Variants in ARHGEF10L observed in about 807,000 individuals in gnomAD.
ARHGEF10L encodes Rho guanine nucleotide exchange factor 10 like.
Under a neutral mutation model 141.2 loss-of-function variants are expected in ARHGEF10L, and 69 were observed. The observed-to-expected ratio is 0.49, with a 90% confidence interval of 0.40 to 0.60. ARHGEF10L has a LOEUF of 0.60. Ranked by LOEUF, ARHGEF10L falls within the 20% of genes least tolerant of loss-of-function variation. ARHGEF10L has a pLI of 0.00. For synonymous variants in ARHGEF10L, 711 were observed against 718.5 expected (o/e 0.99, Z 0.17); for missense variants, 1,482 against 1,734.3 (o/e 0.85, Z 2.58).
chr1:17,691,937 G>A (rs2065138590), intron 27 of ARHGEF10L, among the ~76,000 whole-genome samples: 1 of 152,118 alleles, frequency 6.6e-6, no homozygotes, highest in East Asian at 1.9e-4. Flanking sequence ...TTAACCATGA[G>A]CACACAGATA....
At chr1:17,588,935 G>C (rs893053674) in intron 4 of ARHGEF10L, among the ~76,000 whole-genome samples, 4 of 130,698 alleles carry the variant, frequency 3.1e-5, no homozygotes, top group African/African-American at 8.4e-5. Flanking sequence ...GGGTGGGGGG[G>C]GTGCAGCCCA....
chr1:17,533,023 G>C, the ARHGEF10L span, among the ~76,000 whole-genome samples: 1 of 152,154 alleles, frequency 6.6e-6, no homozygotes, highest in East Asian at 1.9e-4. Context: ...CCTGCACCAA[G>C]ACAGTGGCCA....
rs145575717 is a variant in ARHGEF10L, at chr1:17,671,510, C to T, written c.3009+6915C>T. Among the ~76,000 whole-genome samples the T allele has an allele frequency of 1.1e-3, 162 of 152,296 alleles. 2 individuals are homozygous for T. The highest frequency in any genetic ancestry group is 3.7e-3 in the African/African-American group (153 of 41,564). On this transcript the variant is annotated intron_variant, in intron 26 of 28. Transcript: ENST00000361221. Reference sequence around the variant, plus strand: ...CTTGTGGTGTTTCTATGGCAACCCCCTTCCCCCAAGCAGATTTTCAGCCTC... The same window carrying T: ...CTTGTGGTGTTTCTATGGCAACCCCTTTCCCCCAAGCAGATTTTCAGCCTC...
chr1:17,691,106 C>T (rs1322885504), intron 27 of ARHGEF10L: 1 of 455,334 alleles, frequency 2.2e-6, no homozygotes, highest in Non-Finnish European at 4.4e-6. Flanking sequence ...AAACTCCCTC[C>T]TCCTTTTAAC....
chr1:17,624,835 C>T (rs1481057221), intron 13 of ARHGEF10L, among the ~76,000 whole-genome samples: 5 of 152,130 alleles, frequency 3.3e-5, no homozygotes, highest in African/African-American at 7.2e-5. Flanking sequence ...CTGTGGCTCC[C>T]GGGTTGCTAA....
chr1:17,613,273 C>G, intron 8 of ARHGEF10L, 99 bp downstream of exon 8: 1 of 978,304 alleles, frequency 1.0e-6, no homozygotes. Flanking sequence ...CGAAGCCTAC[C>G]AGGCCCACCC....
intron 1 of ARHGEF10L, among the ~76,000 whole-genome samples, chr1:17,562,154 C>T (rs2100841061): frequency 6.6e-6 from 1 of 152,320 alleles, no homozygotes; most frequent in Non-Finnish European, 1.5e-5. Flanking sequence ...GTGGCTCACA[C>T]CTGTAATCCC....
At chr1:17,589,243 A>G (rs2079326897) in intron 4 of ARHGEF10L, among the ~76,000 whole-genome samples, 1 of 152,130 alleles carries the variant, frequency 6.6e-6, no homozygotes, top group African/African-American at 2.4e-5. Context: ...TTTTTATCAC[A>G]GTTCTTCTTT....
chr1:17,516,929 C>T, the ARHGEF10L span, among the ~76,000 whole-genome samples: 6 of 152,298 alleles, frequency 3.9e-5, no homozygotes, highest in South Asian at 2.1e-4. Context: ...GCCTGGTGGA[C>T]GCTGTTCTAG....
intron 1 of ARHGEF10L, among the ~76,000 whole-genome samples, chr1:17,548,406 A>G (rs959063772): frequency 7.9e-5 from 12 of 152,146 alleles, no homozygotes; most frequent in Non-Finnish European, 2.9e-5. Context: ...AAAGAAAAGT[A>G]TTGGACTCTT....
In ARHGEF10L at chr1:17,607,958, G is replaced by A. The variant is rs767420688; in HGVS notation, c.590G>A (p.Arg197Gln). 8 of 1,474,572 alleles carry A rather than the reference G, an allele frequency of 5.4e-6. No individual in the cohort carries two copies. Among genetic ancestry groups the A allele is most frequent in the Non-Finnish European group, 7.2e-6 (8 of 1,110,690 alleles). 91.3% of individuals were successfully genotyped at this position (1,474,572 alleles called of 1,614,324 possible). ...PEVEVEPAKH[R>Q]VSFQPKLSPD... The stretch of plus-strand genomic sequence containing the variant: ...GTCGAGGTCGAGCCCGCCAAGCACC[G>A]AGTGTCCTTCCAGCCCAAGGTGAGG... Residue 197 changes from arginine (R) to glutamine (Q), a missense_variant, in exon 7 of 29, where the codon CGA becomes CAA. By Grantham distance (43) the Arg-to-Gln change is conservative (BLOSUM62 1). Around this residue, in one of 3 missense-constraint regions of ARHGEF10L, gnomAD observed 392 missense variants for 542.1 expected, o/e 0.72. Transcript: ENST00000361221. The surrounding 1 kb of genome is among the most constrained non-coding windows in gnomAD (Gnocchi z 4.5).
chr1:17,676,277 G>T (rs1420300804), intron 26 of ARHGEF10L, among the ~76,000 whole-genome samples: 1 of 148,790 alleles, frequency 6.7e-6, no homozygotes, highest in Non-Finnish European at 1.5e-5. Flanking sequence ...TGCAGGTGTA[G>T]TTGCAGGTGT....
chr1:17,586,354 A>C (rs866814493), intron 2 of ARHGEF10L, among the ~76,000 whole-genome samples: 27 of 152,214 alleles, frequency 1.8e-4, no homozygotes, highest in Admixed American at 4.6e-4. Context: ...CTCATGCCTA[A>C]GCTGTGTGTC....
intron 28 of ARHGEF10L, 73 bp from the exon 29 acceptor site, chr1:17,696,775 G>C: frequency 6.9e-7 from 1 of 1,443,454 alleles, no homozygotes; most frequent in Non-Finnish European, 9.3e-7. Context: ...TGTTCTCCAG[G>C]AGAGAGACTC....
rs763887989 is a variant in ARHGEF10L at position 17,558,918 on chromosome 1, C to T, written c.-44+18968C>T. On this transcript the variant is annotated intron_variant, in intron 1 of 28. Coordinates refer to ENST00000361221, the MANE Select transcript of ARHGEF10L (RefSeq NM_018125.4). This position sits in a 1 kb window ranked among gnomAD's most constrained non-coding sequence, Gnocchi z 4.2. Reference sequence around the variant, plus strand: ...CTGAGGGGCCCTTCCCCAGCTTCCTCGGCTTTCAGCTCTTTTCTTGTGTAG... The same window carrying T: ...CTGAGGGGCCCTTCCCCAGCTTCCTTGGCTTTCAGCTCTTTTCTTGTGTAG... 1.3e-5 allele frequency among the ~76,000 whole-genome samples: 2 copies of T among 152,214 alleles called. No individual in the cohort carries two copies. Among genetic ancestry groups the T allele is most frequent in the Non-Finnish European group, 1.5e-5 (1 of 68,044 alleles).
chr1:17,672,642 A>G (rs1462122046), intron 26 of ARHGEF10L, among the ~76,000 whole-genome samples: 1 of 152,178 alleles, frequency 6.6e-6, no homozygotes, highest in African/African-American at 2.4e-5. Context: ...TTGGCAAGCA[A>G]AACTTGAGAA....
chr1:17,632,523 C>T (rs2060756516), intron 16 of ARHGEF10L, 57 bp downstream of exon 16: 2 of 1,608,422 alleles, frequency 1.2e-6, no homozygotes, highest in Admixed American at 1.7e-5. Context: ...CCCATCCCGC[C>T]CTACTCCAGT....
At chr1:17,661,368 G>A (rs1025561744) in intron 25 of ARHGEF10L, among the ~76,000 whole-genome samples, 9 of 152,224 alleles carry the variant, frequency 5.9e-5, no homozygotes, top group African/African-American at 9.6e-5. Flanking sequence ...GTGAGCCACC[G>A]TACCCGGCCT....
intron 1 of ARHGEF10L, among the ~76,000 whole-genome samples, chr1:17,561,903 G>T (rs1477581697): frequency 6.6e-6 from 1 of 152,200 alleles, no homozygotes; most frequent in Non-Finnish European, 1.5e-5. Context: ...AATCGGGAAG[G>T]TTCCAAGGGA....
Sources: allele counts gnomAD v4.1 joint callset (sites outside exome capture counted in the v4.1 genomes callset), GRCh38; gene constraint gnomAD v4.1.1; regional missense constraint gnomAD v4.1.1; non-coding constraint Gnocchi (gnomAD v3.1); transcripts MANE v1.5; gene names NCBI Gene and HGNC (gene_info 2026-07-23, HGNC 2026-07-21).